HECW1: variants seen among roughly 807,000 people sequenced by gnomAD.
The protein encoded by HECW1 is E3 ubiquitin-protein ligase HECW1.
HECW1 carries 61 observed loss-of-function variants against 182.3 expected under a neutral mutation model. That is an observed-to-expected ratio of 0.33 (90% CI 0.27 to 0.41). The LOEUF is 0.41. HECW1 is among the 10% of genes least tolerant of loss of function. The probability of loss-of-function intolerance (pLI) is 1.00; values close to 1 mark genes in which losing one functional copy is unlikely to be tolerated. For missense variants in HECW1, 1,739 were observed against 2,108.9 expected (o/e 0.82, Z 3.44); for synonymous variants, 859 against 832.6 (o/e 1.03, Z -0.55).
intron 24 of HECW1, among the ~76,000 whole-genome samples, chr7:43,514,251 A>G (rs2080022094): frequency 6.6e-6 from 1 of 151,824 alleles, no homozygotes; most frequent in Non-Finnish European, 1.5e-5. Context: ...TGTGTCTTTG[A>G]TGACAGAAGT....
chr7:43,555,613 G>A (rs1379142104), intron 29 of HECW1, among the ~76,000 whole-genome samples: 1 of 152,146 alleles, frequency 6.6e-6, no homozygotes, highest in Admixed American at 6.5e-5. Context: ...AAATACCTTT[G>A]CTAAATCCTT....
chr7:43,302,941 A>ACACACACATGCGCGCG (rs1322502288), intron 3 of HECW1, among the ~76,000 whole-genome samples: 3 of 123,328 alleles, frequency 2.4e-5, no homozygotes, highest in African/African-American at 6.5e-5. Context: ...ACACACGTGC[A>ACACACACATGCGCGCG]CACACACATG....
In HECW1 at chr7:43,355,389, A is replaced by G. The variant is rs183012490; in HGVS notation, c.461-5497A>G. 3.7e-4 allele frequency among the ~76,000 whole-genome samples: 57 copies of G among 152,302 alleles called. No homozygotes were observed. The East Asian group carries it at 0.01, about 27-fold the overall frequency. ...AATACCTTTAGCAACCTGTTAAGAG[A>G]TAAGTAATATAAAAATATGTAAATT... On this transcript the variant is annotated intron_variant, in intron 5 of 29. Transcript: ENST00000395891.
Position 43,444,705 on chromosome 7 carries a change from T to C in HECW1, c.1533T>C (p.Asp511=), listed in dbSNP as rs2076989781. ...EEEKEQEEEG[D]VSTLEQGEGR... ...AGAAGGAGCAGGAGGAGGAGGGAGA[T>C]GTGTCTACCCTGGAGCAGGGAGAGG... is the stretch of plus-strand genomic sequence containing the variant. The change falls in exon 11 of 30, where the codon GAT becomes GAC. Residue 511 remains aspartate, a synonymous_variant. Transcript: ENST00000395891. This position sits in a 1 kb window ranked among gnomAD's most constrained non-coding sequence, Gnocchi z 4.3. 4.3e-6 allele frequency: 7 copies of C among 1,609,388 alleles called. No homozygotes were observed. Among genetic ancestry groups the C allele is most frequent in the Non-Finnish European group, 5.9e-6 (7 of 1,177,798 alleles).
intron 2 of HECW1, among the ~76,000 whole-genome samples, chr7:43,126,019 C>CA (rs1374748189): frequency 2.8e-5 from 4 of 142,568 alleles, no homozygotes; most frequent in African/African-American, 7.7e-5. Context: ...CTTTGGGGGA[C>CA]AAAATCCATG....
intron 22 of HECW1, 87 bp downstream of exon 22, chr7:43,507,344 G>T: frequency 7.6e-7 from 1 of 1,317,260 alleles, no homozygotes; most frequent in Non-Finnish European, 1.0e-6. Context: ...TTGTTTTTGA[G>T]ACTGGCTACT....
chr7:43,192,756 G>C (rs1489464515), intron 2 of HECW1, among the ~76,000 whole-genome samples: 1 of 152,096 alleles, frequency 6.6e-6, no homozygotes, highest in Non-Finnish European at 1.5e-5. Context: ...TTCCCCATCT[G>C]TTAAGGTTGT....
At chr7:43,480,736 T>TACAC (rs778153881) in intron 17 of HECW1, among the ~76,000 whole-genome samples, 1 of 138,906 alleles carries the variant, frequency 7.2e-6, no homozygotes, top group East Asian at 2.1e-4. Context: ...TATATATATA[T>TACAC]ACACACACAC....
intron 2 of HECW1, among the ~76,000 whole-genome samples, chr7:43,175,118 G>T (rs1381015199): frequency 2.0e-5 from 3 of 151,672 alleles, no homozygotes; most frequent in Admixed American, 1.3e-4. Flanking sequence ...TTAAGTTGAG[G>T]TATAAGTTTT....
intron 2 of HECW1, among the ~76,000 whole-genome samples, chr7:43,114,935 A>G (rs1784923484): frequency 6.6e-6 from 1 of 152,224 alleles, no homozygotes; most frequent in Non-Finnish European, 1.5e-5. Context: ...AGATGGATGT[A>G]TTACAAGATC....
At chr7:43,418,249 A>G (rs1452785485) in intron 8 of HECW1, among the ~76,000 whole-genome samples, 1 of 152,202 alleles carries the variant, frequency 6.6e-6, no homozygotes, top group African/African-American at 2.4e-5. Context: ...TTTCCAAATA[A>G]GTTTGCATTC....
chr7:43,286,634 T>G (rs1804673179), intron 3 of HECW1, among the ~76,000 whole-genome samples: 1 of 152,338 alleles, frequency 6.6e-6, no homozygotes, highest in Middle Eastern at 3.4e-3. Context: ...TTGTCACTTT[T>G]TAAATGATTT....
rs1378932576 is a variant in HECW1 at position 43,243,958 on chromosome 7, A to C, written c.27+26A>C. The stretch of plus-strand genomic sequence containing the variant: ...GTCAGTGTGCTTTTCTGATTATAAG[A>C]AACCATCCATGTCATTCCATTATAA... On this transcript the variant is annotated intron_variant, in intron 3 of 29. Coordinates refer to ENST00000395891, the MANE Select transcript of HECW1 (RefSeq NM_015052.5). This position sits in a 1 kb window ranked among gnomAD's most constrained non-coding sequence, Gnocchi z 4.0. The C allele has an allele frequency of 6.4e-7, 1 of 1,570,700 alleles. No homozygotes were observed. Among genetic ancestry groups the C allele is most frequent in the South Asian group, 1.1e-5 (1 of 90,214 alleles).
intron 8 of HECW1, among the ~76,000 whole-genome samples, chr7:43,410,872 G>A (rs1010906073): frequency 3.4e-4 from 51 of 151,966 alleles, no homozygotes; most frequent in African/African-American, 1.2e-3. Context: ...TTATATATTG[G>A]TGAATTGCTT....
chr7:43,207,469 T>G (rs559497338), intron 2 of HECW1, among the ~76,000 whole-genome samples: 1 of 152,358 alleles, frequency 6.6e-6, no homozygotes, highest in East Asian at 1.9e-4. Context: ...TTCTTTGTCT[T>G]GGAAATATTC....
At chr7:43,488,712 G>A (rs1309545934) in intron 17 of HECW1, among the ~76,000 whole-genome samples, 1 of 152,130 alleles carries the variant, frequency 6.6e-6, no homozygotes, top group Non-Finnish European at 1.5e-5. Flanking sequence ...CTTCATCGCT[G>A]TCCATTCCTG....
chr7:43,236,562 A>G (rs940204598), intron 2 of HECW1, among the ~76,000 whole-genome samples: 10 of 152,164 alleles, frequency 6.6e-5, no homozygotes, highest in Non-Finnish European at 1.3e-4. Flanking sequence ...TGAAGCAGGA[A>G]CTTCCAGGTC....
intron 8 of HECW1, among the ~76,000 whole-genome samples, chr7:43,420,582 A>G (rs966400303): frequency 6.6e-6 from 1 of 152,238 alleles, no homozygotes; most frequent in Non-Finnish European, 1.5e-5. Context: ...AGTACAAAAC[A>G]TTACCCAAAC....
At chr7:43,356,869 C>T (rs972944912) in intron 5 of HECW1, among the ~76,000 whole-genome samples, 5 of 151,950 alleles carry the variant, frequency 3.3e-5, no homozygotes, top group Admixed American at 6.6e-5. Context: ...AAAATGTATG[C>T]GGTATAGTAA....
Sources: gnomAD v4.1 joint callset for allele counts (sites outside exome capture counted in the v4.1 genomes callset) on GRCh38, gnomAD v4.1.1 for gene constraint, Gnocchi (gnomAD v3.1) non-coding constraint, MANE v1.5 for transcripts, NCBI Gene and HGNC (gene_info 2026-07-23, HGNC 2026-07-21) for gene names.